The following NELL2 variants were observed in gnomAD, a reference collection of about 807,000 sequenced individuals.
NELL2 encodes the protein neural EGFL like 2, also known as protein kinase C-binding protein NELL2.
Under a neutral mutation model 109.6 loss-of-function variants are expected in NELL2, and 41 were observed. The ratio of observed to expected loss-of-function variants is 0.37; its 90% CI spans 0.29 to 0.49. The LOEUF (loss-of-function observed/expected upper bound fraction) is 0.49, where lower values mean the gene tolerates loss of function less well. NELL2 is among the 20% of genes least tolerant of loss of function. The pLI, the probability that NELL2 is intolerant of heterozygous loss-of-function variation, is 0.98. For missense variants in NELL2, 900 were observed against 1,008.3 expected, an observed-to-expected ratio of 0.89 and a Z score of 1.45; for synonymous variants, 355 against 344.7, an observed-to-expected ratio of 1.03 and a Z score of -0.33.
At chr12:44,587,284 A>AAAAAAAAAAAAAAATATATATATAT in intron 15 of NELL2, among the ~76,000 whole-genome samples, 1 of 72,214 alleles carries the variant, frequency 1.4e-5, no homozygotes. Flanking sequence ...AAAAAAAAAA[A>AAAAAAAAAAAAAAATATATATATAT]ATATATATAT....
chr12:44,700,836 A>T (rs947710933), intron 12 of NELL2, among the ~76,000 whole-genome samples: 6 of 152,148 alleles, frequency 3.9e-5, no homozygotes, highest in Non-Finnish European at 7.4e-5. Context: ...CCTTATCTCT[A>T]ACCTTGCACA....
chr12:44,553,232 C>T (rs1259669534), intron 15 of NELL2, among the ~76,000 whole-genome samples: 1 of 145,914 alleles, frequency 6.9e-6, no homozygotes, highest in African/African-American at 2.5e-5. Context: ...AACTAACCTG[C>T]ACAATGTGCA....
Position 44,703,871 on chromosome 12 carries a change from A to G in NELL2, c.1190-17T>C, listed in dbSNP as rs1411384867. ...AGTCATAACCTACAGAAAAAAAAAG[A>G]AATTTATTAAGGTAAATGAAACTAT... On this transcript the variant is annotated splice_polypyrimidine_tract_variant and intron_variant, in intron 11 of 19. Coordinates refer to ENST00000429094, the MANE Select transcript of NELL2 (RefSeq NM_001145108.2). 3 of 1,594,646 alleles carry G rather than the reference A, an allele frequency of 1.9e-6. No homozygotes were observed. Among genetic ancestry groups the G allele is most frequent in the Non-Finnish European group, 2.6e-6 (3 of 1,170,584 alleles).
At chr12:44,684,439 T>C (rs1236513705) in intron 12 of NELL2, among the ~76,000 whole-genome samples, 1 of 152,176 alleles carries the variant, frequency 6.6e-6, no homozygotes, top group African/African-American at 2.4e-5. Context: ...CTGATTTTAG[T>C]TATTTCTTGC....
At chr12:44,825,711 G>C (rs1416637044) in intron 2 of NELL2, among the ~76,000 whole-genome samples, 8 of 148,812 alleles carry the variant, frequency 5.4e-5, no homozygotes, top group South Asian at 4.4e-4. Context: ...ATTTCTTTTT[G>C]AGATAGTTCA....
At chr12:44,740,944 G>A (rs998928931) in intron 9 of NELL2, among the ~76,000 whole-genome samples, 12 of 152,144 alleles carry the variant, frequency 7.9e-5, no homozygotes, top group African/African-American at 2.9e-4. Context: ...AAAAAATATA[G>A]CAATTATAAC....
At chr12:44,816,424 T>G (rs965806194) in intron 2 of NELL2, among the ~76,000 whole-genome samples, 1 of 152,152 alleles carries the variant, frequency 6.6e-6, no homozygotes, top group African/African-American at 2.4e-5. Context: ...GGACGTATAC[T>G]CCCAAGTTTT....
At chr12:44,832,262 TTA>T (rs1294113208) in intron 2 of NELL2, among the ~76,000 whole-genome samples, 1 of 152,170 alleles carries the variant, frequency 6.6e-6, no homozygotes, top group Non-Finnish European at 1.5e-5. Context: ...AAGAAATTCT[TTA>T]TGTCTTTAGT....
At chr12:44,589,135 T>G (rs565242276) in intron 15 of NELL2, among the ~76,000 whole-genome samples, 1 of 152,148 alleles carries the variant, frequency 6.6e-6, no homozygotes, top group Non-Finnish European at 1.5e-5. Context: ...ACTTCAACAA[T>G]GAACTCCAGC....
chr12:44,606,041 T>C (rs1945388766), intron 15 of NELL2, among the ~76,000 whole-genome samples: 1 of 152,164 alleles, frequency 6.6e-6, no homozygotes, highest in Non-Finnish European at 1.5e-5. Context: ...AATGATCCCC[T>C]TAAGAAAGAA....
intron 9 of NELL2, among the ~76,000 whole-genome samples, chr12:44,717,683 T>C (rs1429911417): frequency 6.6e-6 from 1 of 152,140 alleles, no homozygotes; most frequent in East Asian, 1.9e-4. Context: ...TAGAGTCCAG[T>C]GTAAGCCAGA....
At chr12:44,633,435 A>G (rs375528650) in intron 13 of NELL2, among the ~76,000 whole-genome samples, 2 of 152,250 alleles carry the variant, frequency 1.3e-5, no homozygotes, top group East Asian at 3.9e-4. Context: ...CCCTTTACCC[A>G]GTATGATTTG....
At chr12:44,685,803 T>C (rs1402671334) in intron 12 of NELL2, among the ~76,000 whole-genome samples, 2 of 152,204 alleles carry the variant, frequency 1.3e-5, no homozygotes, top group African/African-American at 2.4e-5. Flanking sequence ...TCTGATGGGC[T>C]TCCCTTTGAG....
chr12:44,897,539 C>T (rs987789855), intron 1 of NELL2, among the ~76,000 whole-genome samples: 1 of 152,152 alleles, frequency 6.6e-6, no homozygotes, highest in Non-Finnish European at 1.5e-5. Context: ...CTCTCCTAGT[C>T]AAGGGAAGCC....
intron 15 of NELL2, among the ~76,000 whole-genome samples, chr12:44,593,250 G>A (rs962131397): frequency 2.6e-5 from 4 of 152,162 alleles, no homozygotes; most frequent in Non-Finnish European, 5.9e-5. Flanking sequence ...GATCCAGAAA[G>A]GAGATGGTAA....
chr12:44,517,347 T>G (rs1395399153), intron 19 of NELL2, among the ~76,000 whole-genome samples: 1 of 151,492 alleles, frequency 6.6e-6, no homozygotes, highest in Non-Finnish European at 1.5e-5. Flanking sequence ...TTTACAAATG[T>G]CTGGTACCTA....
At chr12:44,672,104 G>T (rs1948158542) in intron 12 of NELL2, among the ~76,000 whole-genome samples, 1 of 152,298 alleles carries the variant, frequency 6.6e-6, no homozygotes, top group Non-Finnish European at 1.5e-5. Context: ...GTCTAGAACA[G>T]GACAGTGAGT....
intron 2 of NELL2, among the ~76,000 whole-genome samples, chr12:44,851,467 A>T (rs536016938): frequency 6.6e-6 from 1 of 152,320 alleles, no homozygotes; most frequent in East Asian, 1.9e-4. Flanking sequence ...CAATAACAAA[A>T]TATGCACAAA....
At chr12:44,583,977 T>C (rs1262909355) in intron 15 of NELL2, among the ~76,000 whole-genome samples, 1 of 152,204 alleles carries the variant, frequency 6.6e-6, no homozygotes, top group Non-Finnish European at 1.5e-5. Context: ...TTCTGCCATG[T>C]TGCCCAGTCT....
Sources: gnomAD v4.1 joint callset for allele counts (sites outside exome capture counted in the v4.1 genomes callset) on GRCh38, gnomAD v4.1.1 for gene constraint, MANE v1.5 for transcripts, NCBI Gene and HGNC (gene_info 2026-07-23, HGNC 2026-07-21) for gene names.